The following GAB4 variants were observed in gnomAD, a reference collection of about 807,000 sequenced individuals.
The protein encoded by GAB4 is GRB2 associated binding protein family member 4.
Under a neutral mutation model 51.3 loss-of-function variants are expected in GAB4, and 26 were observed. That is an observed-to-expected ratio of 0.51 (90% CI 0.37 to 0.70). The LOEUF is 0.70. Ranked by LOEUF, GAB4 falls within the 30% of genes least tolerant of loss-of-function variation. The probability of loss-of-function intolerance (pLI) is 0.00; values close to 1 mark genes in which losing one functional copy is unlikely to be tolerated. For synonymous variants in GAB4, 329 were observed against 291.2 expected (o/e 1.13, Z -1.32); for missense variants, 759 against 734.6 (o/e 1.03, Z -0.38).
chr22:17,000,219 C>A (rs1230164421), intron 1 of GAB4, among the ~76,000 whole-genome samples: 1 of 152,186 alleles, frequency 6.6e-6, no homozygotes, highest in Non-Finnish European at 1.5e-5. Flanking sequence ...TCTTGTTGAT[C>A]TGTCTAATGT....
intron 1 of GAB4, among the ~76,000 whole-genome samples, chr22:17,002,877 A>T (rs937743000): frequency 4.6e-5 from 7 of 152,104 alleles, no homozygotes; most frequent in African/African-American, 1.7e-4. Context: ...CAATTAAAAG[A>T]CACAGACTGG....
intron 3 of GAB4, among the ~76,000 whole-genome samples, chr22:16,976,667 A>C (rs915304989): frequency 6.6e-6 from 1 of 152,192 alleles, no homozygotes. Context: ...AAATACAGAG[A>C]ACACCACCAA....
At chr22:16,993,237 T>C (rs1448218982) in intron 1 of GAB4, among the ~76,000 whole-genome samples, 3 of 152,188 alleles carry the variant, frequency 2.0e-5, no homozygotes, top group African/African-American at 7.2e-5. Flanking sequence ...GCTTCTCCAC[T>C]GACTCCAGGT....
At chr22:16,982,312 A>T (rs2060833224) in intron 3 of GAB4, among the ~76,000 whole-genome samples, 1 of 152,200 alleles carries the variant, frequency 6.6e-6, no homozygotes, top group Non-Finnish European at 1.5e-5. Flanking sequence ...TGGAACAGAT[A>T]AATAAATTCA....
At chr22:16,981,772 A>C (rs1214346063) in intron 3 of GAB4, among the ~76,000 whole-genome samples, 1 of 152,196 alleles carries the variant, frequency 6.6e-6, no homozygotes, top group East Asian at 1.9e-4. Context: ...CCTATGAAGC[A>C]CTATCCTGAT....
At chr22:16,975,850 G>A (rs746870192) in intron 3 of GAB4, among the ~76,000 whole-genome samples, 8 of 152,156 alleles carry the variant, frequency 5.3e-5, no homozygotes, top group Non-Finnish European at 1.0e-4. Flanking sequence ...AGTCTCCACT[G>A]GTGATACTCC....
intron 1 of GAB4, among the ~76,000 whole-genome samples, chr22:17,000,557 A>G (rs1370282347): frequency 6.6e-6 from 1 of 152,140 alleles, no homozygotes; most frequent in South Asian, 2.1e-4. Flanking sequence ...GGGTCTCCTG[A>G]AAACAGCACA....
intron 1 of GAB4, among the ~76,000 whole-genome samples, chr22:17,003,998 C>T (rs1448568450): frequency 6.6e-6 from 1 of 152,130 alleles, no homozygotes; most frequent in Non-Finnish European, 1.5e-5. Flanking sequence ...GGTATCACCG[C>T]TGATCCCACA....
At chr22:17,001,587 C>T (rs989257189) in intron 1 of GAB4, among the ~76,000 whole-genome samples, 1 of 152,144 alleles carries the variant, frequency 6.6e-6, no homozygotes, top group African/African-American at 2.4e-5. Context: ...TTCAAATATC[C>T]TCCTTTAGCT....
At chr22:16,976,020 C>T (rs146224726) in intron 3 of GAB4, among the ~76,000 whole-genome samples, 39 of 152,194 alleles carry the variant, frequency 2.6e-4, no homozygotes, top group East Asian at 2.5e-3. Flanking sequence ...AAACCCTATC[C>T]GAAGATCACC....
chr22:17,008,181 G>A lies in GAB4; in HGVS notation c.-67C>T. The stretch of plus-strand genomic sequence containing the variant: ...GAGGGCGTTGCTGGAGGTGGGGTGT[G>A]AGGGACGGCTTGCGATACCCTGGGA... On this transcript the variant is annotated 5_prime_UTR_variant, in exon 1 of 10. Coordinates refer to ENST00000400588, the MANE Select transcript of GAB4 (RefSeq NM_001037814.1). 1 of 1,174,278 alleles carries A rather than the reference G, an allele frequency of 8.5e-7. No individual in the cohort carries two copies. The highest frequency in any genetic ancestry group is 1.4e-5 in the South Asian group (1 of 74,050). 72.7% of individuals were successfully genotyped at this position (1,174,278 alleles called of 1,614,324 possible).
chr22:17,007,180 C>T (rs1209767702), intron 1 of GAB4, among the ~76,000 whole-genome samples: 5 of 152,148 alleles, frequency 3.3e-5, no homozygotes, highest in African/African-American at 7.2e-5. Context: ...TTCTATGTAC[C>T]TTGGTATAAT....
chr22:16,981,228 A>G (rs1601266404), intron 3 of GAB4, among the ~76,000 whole-genome samples: 2 of 151,358 alleles, frequency 1.3e-5, no homozygotes, highest in South Asian at 4.1e-4. Context: ...GCCCCTTAAA[A>G]AAGTTCAAAA....
chr22:17,004,087 T>G (rs2061019755), intron 1 of GAB4, among the ~76,000 whole-genome samples: 1 of 152,154 alleles, frequency 6.6e-6, no homozygotes, highest in Non-Finnish European at 1.5e-5. Context: ...AATGGATAAA[T>G]TCCTGGACAC....
chr22:16,974,062 A>C (rs2060756430), intron 3 of GAB4, among the ~76,000 whole-genome samples: 1 of 151,988 alleles, frequency 6.6e-6, no homozygotes, highest in African/African-American at 2.4e-5. Context: ...TGTGCCAACA[A>C]CACCCAGGGC....
chr22:16,997,801 C>T (rs1275239325), intron 1 of GAB4, among the ~76,000 whole-genome samples: 4 of 152,104 alleles, frequency 2.6e-5, no homozygotes, highest in African/African-American at 9.7e-5. Flanking sequence ...AGTTTTTAAT[C>T]CATCTTGAAT....
intron 9 of GAB4, among the ~76,000 whole-genome samples, chr22:16,963,358 C>CG (rs1210393745): frequency 2.0e-5 from 3 of 152,296 alleles, no homozygotes; most frequent in South Asian, 2.1e-4. Context: ...TGAGGTCCCC[C>CG]GCATCAATGG....
chr22:16,979,351 C>T (rs1357982571), intron 3 of GAB4, among the ~76,000 whole-genome samples: 1 of 152,106 alleles, frequency 6.6e-6, no homozygotes, highest in Non-Finnish European at 1.5e-5. Flanking sequence ...AAAAAATCCA[C>T]GTGCAAAAAT....
In GAB4 at chr22:16,961,983, A is replaced by G. The variant is rs1169576088; in HGVS notation, c.*750T>C. On this transcript the variant is annotated 3_prime_UTR_variant, in exon 10 of 10. Coordinates refer to ENST00000400588, the MANE Select transcript of GAB4 (RefSeq NM_001037814.1). ...TTCTTAGGCAGGCAAGGGCCCCCCA[A>G]GGGGCATCAGCAAAGAGCAGCAGAG... is the stretch of plus-strand genomic sequence containing the variant. 2.6e-5 allele frequency: 4 copies of G among 152,320 alleles called. No individual in the cohort carries two copies. Among genetic ancestry groups the G allele is most frequent in the African/African-American group, 7.2e-5 (3 of 41,466 alleles). 9.4% of individuals were successfully genotyped at this position (152,320 alleles called of 1,614,324 possible). A position where few individuals can be genotyped will look rare whatever the true frequency, so the allele number is the denominator to read the frequency against.
Sources: gnomAD v4.1 joint callset for allele counts (sites outside exome capture counted in the v4.1 genomes callset) on GRCh38, gnomAD v4.1.1 for gene constraint, MANE v1.5 for transcripts, NCBI Gene and HGNC (gene_info 2026-07-23, HGNC 2026-07-21) for gene names.